Variants in FAM234B observed in about 807,000 individuals in gnomAD.
FAM234B encodes the protein family with sequence similarity 234 member B, also known as protein FAM234B.
A neutral mutation model predicts 69.3 loss-of-function variants in FAM234B; 33 were observed. That is an observed-to-expected ratio of 0.48 (90% CI 0.36 to 0.64). The LOEUF is 0.64. FAM234B is among the 30% of genes least tolerant of loss of function. The pLI, the probability that FAM234B is intolerant of heterozygous loss-of-function variation, is 0.00. For synonymous variants in FAM234B, 306 were observed against 306.9 expected, an observed-to-expected ratio of 1.00 and a Z score of 0.03; for missense variants, 697 against 769.7, an observed-to-expected ratio of 0.91 and a Z score of 1.12.
intron 1 of FAM234B, among the ~76,000 whole-genome samples, chr12:13,045,385 A>G (rs903960472): frequency 1.3e-5 from 2 of 152,214 alleles, no homozygotes; most frequent in Non-Finnish European, 2.9e-5. Flanking sequence ...AGCTATAAAC[A>G]TTTATTTGCT....
chr12:13,058,599 G>A (rs1412537380), intron 3 of FAM234B, 50 bp downstream of exon 3: 5 of 1,474,782 alleles, frequency 3.4e-6, no homozygotes, highest in South Asian at 1.1e-5. Flanking sequence ...TGTCAGCTAG[G>A]AGAAAACATC....
chr12:13,060,267 C>T (rs780762763), intron 3 of FAM234B, among the ~76,000 whole-genome samples: 3 of 152,216 alleles, frequency 2.0e-5, no homozygotes, highest in Non-Finnish European at 4.4e-5. Flanking sequence ...CTTTGTGCTA[C>T]TGGACACAGA....
At chr12:13,078,565 A>C (rs1441406061) in intron 11 of FAM234B, among the ~76,000 whole-genome samples, 1 of 152,244 alleles carries the variant, frequency 6.6e-6, no homozygotes, top group Non-Finnish European at 1.5e-5. Context: ...AAGGAAATAA[A>C]GGGTATTCAA....
rs1273154117 is a variant in FAM234B at position 13,067,303 on chromosome 12, CAG to C, written c.1142+9_1142+10del. 1 of 1,613,886 alleles carries C rather than the reference CAG, an allele frequency of 6.2e-7. No individual in the cohort carries two copies. The highest frequency in any genetic ancestry group is 1.7e-5 in the Admixed American group (1 of 60,018). ...AGCTCATTGATGTTTACAGGTAGGG[CAG>C]ACGTCTGTCCTTGGTCACAGTGAGA... is the stretch of plus-strand genomic sequence containing the variant. On this transcript the variant is annotated splice_region_variant and intron_variant, in intron 7 of 12. Transcript: ENST00000197268. This position sits in a 1 kb window ranked among gnomAD's most constrained non-coding sequence, Gnocchi z 4.7.
chr12:13,056,507 A>G (rs1478850632), intron 2 of FAM234B, among the ~76,000 whole-genome samples: 1 of 152,032 alleles, frequency 6.6e-6, no homozygotes, highest in Non-Finnish European at 1.5e-5. Context: ...CTTGCTCTGG[A>G]ATGGGACTTA....
Position 13,067,337 on chromosome 12 carries a change from G to T in FAM234B, c.1142+41G>T. 6.2e-7 allele frequency: 1 copy of T among 1,610,010 alleles called. No homozygotes were observed. The highest frequency in any genetic ancestry group is 8.5e-7 in the Non-Finnish European group (1 of 1,176,726). ...GTCCTTGGTCACAGTGAGATCTCTT[G>T]TGAACTCACATGCCTTTGAGTCTCT... On this transcript the variant is annotated intron_variant, in intron 7 of 12. Transcript: ENST00000197268. This position sits in a 1 kb window ranked among gnomAD's most constrained non-coding sequence, Gnocchi z 4.7.
At chr12:13,066,916 C>A in intron 6 of FAM234B, 129 bp downstream of exon 6, 1 of 1,075,380 alleles carries the variant, frequency 9.3e-7, no homozygotes, top group Non-Finnish European at 1.3e-6. Context: ...ATGCAGGGGC[C>A]TCTTACTGTC....
chr12:13,070,210 T>TATATAA (rs1865090826), intron 9 of FAM234B, among the ~76,000 whole-genome samples: 1 of 140,532 alleles, frequency 7.1e-6, no homozygotes, highest in African/African-American at 2.6e-5. Flanking sequence ...TATATATATA[T>TATATAA]AAAATGAAAT....
At chr12:13,054,231 G>C (rs1003415711) in intron 1 of FAM234B, among the ~76,000 whole-genome samples, 4 of 148,818 alleles carry the variant, frequency 2.7e-5, no homozygotes, top group African/African-American at 2.5e-5. Flanking sequence ...GTATTAATAG[G>C]GAAGTGATAA....
chr12:13,052,425 A>C (rs1010072458), intron 1 of FAM234B, among the ~76,000 whole-genome samples: 4 of 89,772 alleles, frequency 4.5e-5, no homozygotes, highest in African/African-American at 1.2e-4. Context: ...TTTTTCAGAT[A>C]TATATATATA....
At chr12:13,077,106 TG>T (rs1865170613) in intron 11 of FAM234B, among the ~76,000 whole-genome samples, 1 of 151,754 alleles carries the variant, frequency 6.6e-6, no homozygotes, top group South Asian at 2.1e-4. Flanking sequence ...GATTGGGGGG[TG>T]GGGGCAGGGA....
chr12:13,068,005 A>G (rs1392120534), intron 7 of FAM234B, among the ~76,000 whole-genome samples: 1 of 152,160 alleles, frequency 6.6e-6, no homozygotes, highest in Non-Finnish European at 1.5e-5. Context: ...CTTCCCTGTG[A>G]TTATCCTTGG....
intron 9 of FAM234B, among the ~76,000 whole-genome samples, chr12:13,069,093 A>G (rs941576380): frequency 6.6e-6 from 1 of 152,210 alleles, no homozygotes; most frequent in African/African-American, 2.4e-5. Flanking sequence ...GGAAGACCTT[A>G]TAAAGGAGGG....
intron 10 of FAM234B, among the ~76,000 whole-genome samples, chr12:13,071,819 G>T (rs986554906): frequency 6.6e-6 from 1 of 152,166 alleles, no homozygotes; most frequent in African/African-American, 2.4e-5. Context: ...GAACGGGGAT[G>T]GGGGAGGGTG....
In FAM234B at chr12:13,080,908, T is replaced by A; in HGVS notation, c.*278T>A. 1 of 369,714 alleles carries A rather than the reference T, an allele frequency of 2.7e-6. No individual in the cohort carries two copies. Among genetic ancestry groups the A allele is most frequent in the Non-Finnish European group, 4.8e-6 (1 of 208,056 alleles). The allele number at this position is 369,714 out of a possible 1,614,324, so 22.9% of individuals were successfully genotyped here. A position where few individuals can be genotyped will look rare whatever the true frequency, so the allele number is the denominator to read the frequency against. On this transcript the variant is annotated 3_prime_UTR_variant, in exon 13 of 13. Coordinates refer to ENST00000197268, the MANE Select transcript of FAM234B (RefSeq NM_020853.2). ...AATGTGAATCTCTTAAGTATTTAATTTTTTTGGTATGTCTAATTTATGAAG... is the reference window on the plus strand; with the variant it reads ...AATGTGAATCTCTTAAGTATTTAATATTTTTGGTATGTCTAATTTATGAAG...
chr12:13,076,194 T>G, intron 11 of FAM234B, 51 bp downstream of exon 11: 1 of 1,332,930 alleles, frequency 7.5e-7, no homozygotes, highest in Non-Finnish European at 1.1e-6. Flanking sequence ...TGGGAGAGTA[T>G]GTGTTGGCTG....
chr12:13,075,667 G>A (rs1865151405), intron 10 of FAM234B, among the ~76,000 whole-genome samples: 1 of 149,242 alleles, frequency 6.7e-6, no homozygotes, highest in East Asian at 2.0e-4. Flanking sequence ...TGTTGGCCAG[G>A]CTGGTCTCGA....
At chr12:13,065,296 G>A (rs930797118) in intron 5 of FAM234B, among the ~76,000 whole-genome samples, 1 of 152,028 alleles carries the variant, frequency 6.6e-6, no homozygotes, top group Non-Finnish European at 1.5e-5. Context: ...CCCATTTCTC[G>A]TACTGTTCCT....
chr12:13,044,958 A>G lies in FAM234B; in HGVS notation c.37+518A>G, dbSNP rs558669514. Reference sequence around the variant, plus strand: ...CCTAGTTTACAGAAGAGAAAATGAGAGTTATTTGGCTAAGTGAATTGTCCA... The same window carrying G: ...CCTAGTTTACAGAAGAGAAAATGAGGGTTATTTGGCTAAGTGAATTGTCCA... On this transcript the variant is annotated intron_variant, in intron 1 of 12. Coordinates refer to ENST00000197268, the MANE Select transcript of FAM234B (RefSeq NM_020853.2). This position sits in a 1 kb window ranked among gnomAD's most constrained non-coding sequence, Gnocchi z 5.6. Among the ~76,000 whole-genome samples, 3 of 152,222 alleles carry G rather than the reference A, an allele frequency of 2.0e-5. No individual in the cohort carries two copies. In the East Asian group the frequency reaches 5.8e-4, roughly 29 times the overall value.
Sources: gnomAD v4.1 joint callset for allele counts (sites outside exome capture counted in the v4.1 genomes callset) on GRCh38, gnomAD v4.1.1 for gene constraint, Gnocchi (gnomAD v3.1) non-coding constraint, MANE v1.5 for transcripts, NCBI Gene and HGNC (gene_info 2026-07-23, HGNC 2026-07-21) for gene names.